Variants in CLEC1A observed in about 807,000 individuals in gnomAD.
CLEC1A encodes the protein C-type lectin-like receptor-1.
In CLEC1A, 34 loss-of-function variants were observed where a neutral mutation model predicts 28.7. The observed-to-expected ratio is 1.18, with a 90% CI of 0.90 to 1.57. CLEC1A has a LOEUF of 1.57. Among genes scored for constraint, CLEC1A ranks in the 40% most tolerant of loss-of-function variants. The probability of loss-of-function intolerance (pLI) is 0.00; values close to 1 mark genes in which losing one functional copy is unlikely to be tolerated. For synonymous variants in CLEC1A, 116 were observed against 121.0 expected, an observed-to-expected ratio of 0.96 and a Z score of 0.27; for missense variants, 385 against 339.5, an observed-to-expected ratio of 1.13 and a Z score of -1.05.
Position 10,081,341 on chromosome 12 carries a change from G to C in CLEC1A, c.287C>G (p.Thr96Arg), listed in dbSNP as rs368867880. 1.9e-6 allele frequency: 3 copies of C among 1,612,982 alleles called. No homozygotes were observed. The highest frequency in any genetic ancestry group is 2.5e-6 in the Non-Finnish European group (3 of 1,179,402). ...TTGAAGAGATTGCAACTCTTGGGAC[G>C]TATTTCCTAATCTTTCTTCCATTTG... is the stretch of plus-strand genomic sequence containing the variant. Reference protein sequence around the residue: ...ISQMEERLGNTSQELQSLQVQ... With the variant: ...ISQMEERLGNRSQELQSLQVQ... Residue 96 changes from threonine to arginine, a missense_variant, in exon 3 of 6, where the codon ACG becomes AGG. By Grantham distance (71) the Thr-to-Arg change is moderately conservative. Coordinates refer to ENST00000315330, the MANE Select transcript of CLEC1A (RefSeq NM_016511.4).
At chr12:10,076,613 C>A (rs971362742) in intron 3 of CLEC1A, among the ~76,000 whole-genome samples, 1 of 152,158 alleles carries the variant, frequency 6.6e-6, no homozygotes, top group Non-Finnish European at 1.5e-5. Context: ...ATGTAACAAC[C>A]TGGAGAGACT....
chr12:10,090,506 C>G (rs1866594657), intron 1 of CLEC1A, among the ~76,000 whole-genome samples: 1 of 152,148 alleles, frequency 6.6e-6, no homozygotes, highest in African/African-American at 2.4e-5. Flanking sequence ...CTCAAGTGAT[C>G]CTCTAACCCC....
chr12:10,094,473 G>A (rs1947751321), intron 1 of CLEC1A, among the ~76,000 whole-genome samples: 1 of 151,950 alleles, frequency 6.6e-6, no homozygotes, highest in African/African-American at 2.4e-5. Flanking sequence ...AAGAGAGAGA[G>A]AGAAATAGTT....
At chr12:10,074,656 C>T (rs993690453) in intron 4 of CLEC1A, among the ~76,000 whole-genome samples, 4 of 152,086 alleles carry the variant, frequency 2.6e-5, no homozygotes, top group African/African-American at 7.2e-5. Context: ...GAAATTGCCT[C>T]GCTTTCTGCC....
chr12:10,088,813 T>C (rs1866554292), intron 2 of CLEC1A, among the ~76,000 whole-genome samples: 1 of 152,148 alleles, frequency 6.6e-6, no homozygotes, highest in African/African-American at 2.4e-5. Flanking sequence ...CCTAGTCTTT[T>C]GTGGAATGGG....
chr12:10,090,734 T>G (rs902193420), intron 1 of CLEC1A, among the ~76,000 whole-genome samples: 7 of 152,182 alleles, frequency 4.6e-5, no homozygotes, highest in African/African-American at 1.7e-4. Context: ...AATGTGAATC[T>G]TATTTCTTAG....
In CLEC1A at chr12:10,098,858, A is replaced by G; in HGVS notation, c.65T>C (p.Leu22Pro). Reference sequence around the variant, plus strand: ...AGTTGTGGCAGAGCCTTGAGAATGCAGGCTCATGGTGGTGTCCCCATCATC... The same window carrying G: ...AGTTGTGGCAGAGCCTTGAGAATGCGGGCTCATGGTGGTGTCCCCATCATC... ...LDDDGDTTMS[L>P]HSQGSATTRH... Residue 22 changes from leucine (L) to proline (P), a missense_variant, in exon 1 of 6, where the codon CTG becomes CCG. By Grantham distance (98) the Leu-to-Pro change is moderately conservative. Transcript: ENST00000315330. The G allele has an allele frequency of 6.2e-7, 1 of 1,613,434 alleles. No homozygotes were observed.
At chr12:10,086,257 C>T (rs1866490704) in intron 2 of CLEC1A, among the ~76,000 whole-genome samples, 2 of 151,264 alleles carry the variant, frequency 1.3e-5, no homozygotes, top group Non-Finnish European at 2.9e-5. Context: ...ACAAATAGAC[C>T]ATCTCAGGTC....
intron 1 of CLEC1A, among the ~76,000 whole-genome samples, chr12:10,093,064 C>A (rs1947727743): frequency 6.6e-6 from 1 of 152,030 alleles, no homozygotes; most frequent in Non-Finnish European, 1.5e-5. Context: ...TTCACTTTTT[C>A]TTTTTCTTTG....
At chr12:10,082,386 G>A (rs1435984629) in intron 2 of CLEC1A, among the ~76,000 whole-genome samples, 1 of 152,134 alleles carries the variant, frequency 6.6e-6, no homozygotes, top group Admixed American at 6.6e-5. Flanking sequence ...CTATGTGGGA[G>A]CTGGGTAAGG....
intron 5 of CLEC1A, among the ~76,000 whole-genome samples, chr12:10,072,999 G>C (rs1866166329): frequency 2.0e-5 from 3 of 152,168 alleles, no homozygotes; most frequent in Non-Finnish European, 4.4e-5. Flanking sequence ...AGGAGAGCTT[G>C]AGCCTGGGAG....
chr12:10,091,852 T>C (rs1429986595), intron 1 of CLEC1A, among the ~76,000 whole-genome samples: 1 of 152,202 alleles, frequency 6.6e-6, no homozygotes, highest in Non-Finnish European at 1.5e-5. Context: ...TACCATTAAA[T>C]ATATTGTATA....
At chr12:10,077,828 G>A (rs1432324951) in intron 3 of CLEC1A, among the ~76,000 whole-genome samples, 3 of 152,004 alleles carry the variant, frequency 2.0e-5, no homozygotes, top group Non-Finnish European at 1.5e-5. Flanking sequence ...CAAAAGGAAT[G>A]TAAGTCTGTG....
At chr12:10,078,763 A>G (rs10845031) in intron 3 of CLEC1A, among the ~76,000 whole-genome samples, 71,900 of 152,018 alleles carry the variant, frequency 0.47, 20,597 homozygotes, top group Middle Eastern at 0.73. Context: ...TTTGATCCTC[A>G]GTGCTGGAGG....
intron 4 of CLEC1A, among the ~76,000 whole-genome samples, chr12:10,073,735 G>A (rs1866190302): frequency 1.3e-5 from 2 of 152,148 alleles, no homozygotes; most frequent in South Asian, 4.1e-4. Flanking sequence ...ATGAGGGAAA[G>A]ACTAACAAAG....
chr12:10,096,137 A>G (rs541348918), intron 1 of CLEC1A, among the ~76,000 whole-genome samples: 74 of 152,194 alleles, frequency 4.9e-4, no homozygotes, highest in African/African-American at 1.7e-3. Flanking sequence ...CCCAACCCAC[A>G]TCCTGCATAT....
At chr12:10,090,361 C>T (rs1667284711) in intron 1 of CLEC1A, among the ~76,000 whole-genome samples, 1 of 152,198 alleles carries the variant, frequency 6.6e-6, no homozygotes, top group Non-Finnish European at 1.5e-5. Flanking sequence ...AAGCAATCCT[C>T]CCACCTCAGC....
chr12:10,075,512 CTTGT>C lies in CLEC1A; in HGVS notation c.531_534del (p.Gln178LysfsTer47), dbSNP rs1347087943. ...AAGCCTCAGAATCTTACCAGGTCTT[CTTGT>C]TTGTTTATCTTCAGCATGGTAGAGT... On this transcript the variant is annotated frameshift_variant, in exon 4 of 6. Transcript: ENST00000315330. LOFTEE classifies it high-confidence loss of function. 7 of 1,613,796 alleles carry C rather than the reference CTTGT, an allele frequency of 4.3e-6. No individual in the cohort carries two copies. In the East Asian group the frequency reaches 1.1e-4, roughly 26 times the overall value.
Position 10,089,150 on chromosome 12 carries a change from A to G in CLEC1A, c.188T>C (p.Ile63Thr), listed in dbSNP as rs1214303984. Reference sequence around the variant, plus strand: ...CAAAAGCCCCAGGGCTGCCAGCCCTATCAGCAGCACCAAGCACAAAGTCAG... The same window carrying G: ...CAAAAGCCCCAGGGCTGCCAGCCCTGTCAGCAGCACCAAGCACAAAGTCAG... ...TLLTLCLVLL[I>T]GLAALGLLFF... The change falls in exon 2 of 6, where the codon ATA (isoleucine) becomes ACA (threonine). Residue 63 changes from isoleucine to threonine, a missense_variant. Physicochemically the swap from Ile to Thr is moderately conservative, Grantham distance 89. Coordinates refer to ENST00000315330, the MANE Select transcript of CLEC1A (RefSeq NM_016511.4). The G allele has an allele frequency of 3.2e-5, 52 of 1,613,904 alleles. No homozygotes were observed. The highest frequency in any genetic ancestry group is 4.5e-5 in the East Asian group (2 of 44,884).
Sources: allele counts gnomAD v4.1 joint callset (sites outside exome capture counted in the v4.1 genomes callset), GRCh38; gene constraint gnomAD v4.1.1; transcripts MANE v1.5; gene names NCBI Gene and HGNC (gene_info 2026-07-23, HGNC 2026-07-21).